Variants in DDX10 observed in about 807,000 individuals in gnomAD.
DDX10 encodes DEAD-box helicase 10, also known as probable ATP-dependent RNA helicase DDX10.
Under a neutral mutation model 104.3 loss-of-function variants are expected in DDX10, and 74 were observed. The observed-to-expected ratio is 0.71, with a 90% CI of 0.59 to 0.86. The LOEUF (loss-of-function observed/expected upper bound fraction) is 0.86. DDX10 is among the 40% of genes least tolerant of loss of function. DDX10 has a pLI of 0.00. For synonymous variants in DDX10, 351 were observed against 353.4 expected (o/e 0.99, Z 0.08); for missense variants, 952 against 1,040.0 (o/e 0.92, Z 1.16).
At chr11:108,818,261 A>G (rs1862281348) in intron 13 of DDX10, among the ~76,000 whole-genome samples, 1 of 152,194 alleles carries the variant, frequency 6.6e-6, no homozygotes, top group South Asian at 2.1e-4. Flanking sequence ...TATTCCTAAA[A>G]TGTGAGGCTC....
At chr11:108,800,442 CA>C (rs61200843) in intron 13 of DDX10, among the ~76,000 whole-genome samples, 15,670 of 94,082 alleles carry the variant, frequency 0.17, 1,099 homozygotes, top group African/African-American at 0.24. Context: ...GAGACTCTTT[CA>C]AAAAAAAAAA....
intron 16 of DDX10, among the ~76,000 whole-genome samples, chr11:108,892,556 G>C (rs1316616023): frequency 6.6e-6 from 1 of 151,984 alleles, no homozygotes; most frequent in Non-Finnish European, 1.5e-5. Context: ...CTGTAGTAAT[G>C]CCCGTGCAAT....
At chr11:108,938,593 C>T (rs1024429199) in intron 17 of DDX10, among the ~76,000 whole-genome samples, 1 of 152,220 alleles carries the variant, frequency 6.6e-6, no homozygotes, top group Non-Finnish European at 1.5e-5. Flanking sequence ...TTAAGACCCT[C>T]TTTCACTAAG....
At chr11:108,813,743 T>C (rs1415850742) in intron 13 of DDX10, among the ~76,000 whole-genome samples, 1 of 152,184 alleles carries the variant, frequency 6.6e-6, no homozygotes, top group African/African-American at 2.4e-5. Context: ...TGGAATTCTG[T>C]TGCAAGATGT....
At position 108,699,016 on chromosome 11, in the gene DDX10, C is replaced by G. The variant is rs1241260098; in HGVS notation, c.1223+5416C>G. Among the ~76,000 whole-genome samples, 6 of 152,322 alleles carry G rather than the reference C, an allele frequency of 3.9e-5. No homozygotes were observed. The South Asian group carries it at 1.2e-3, about 32-fold the overall frequency. ...TTAACCCTGCTTGACATTCCTTTCT[C>G]CAAAGTCCTTTATCACCTTCAAATA... On this transcript the variant is annotated intron_variant, in intron 9 of 17. Transcript: ENST00000322536.
chr11:108,681,126 A>AT (rs1047881352), intron 6 of DDX10, among the ~76,000 whole-genome samples: 1 of 152,080 alleles, frequency 6.6e-6, no homozygotes, highest in East Asian at 1.9e-4. Flanking sequence ...CATCAGACAG[A>AT]TTTTTTTAAT....
intron 16 of DDX10, among the ~76,000 whole-genome samples, chr11:108,900,185 C>T (rs556977325): frequency 1.3e-5 from 2 of 152,266 alleles, no homozygotes; most frequent in South Asian, 4.2e-4. Context: ...CTGGCTCTCC[C>T]TTTGCCTTCC....
chr11:108,717,784 C>G (rs2094293357), intron 11 of DDX10, among the ~76,000 whole-genome samples: 1 of 152,134 alleles, frequency 6.6e-6, no homozygotes, highest in African/African-American at 2.4e-5. Flanking sequence ...TGCGTTGTTA[C>G]CTAATCTTCC....
intron 15 of DDX10, among the ~76,000 whole-genome samples, chr11:108,848,269 T>G (rs1230142444): frequency 6.6e-6 from 1 of 152,154 alleles, no homozygotes; most frequent in African/African-American, 2.4e-5. Flanking sequence ...GAATCCATTT[T>G]TCCATAGCTA....
At chr11:108,883,628 C>T (rs1863256904) in intron 16 of DDX10, among the ~76,000 whole-genome samples, 1 of 152,142 alleles carries the variant, frequency 6.6e-6, no homozygotes, top group Admixed American at 6.5e-5. Context: ...TAGTAAAATG[C>T]CACAGAATTC....
In DDX10 at chr11:108,723,233, A is replaced by G. The variant is rs1333099595; in HGVS notation, c.1736A>G (p.Asn579Ser). Residue 579 changes from asparagine (N) to serine (S), a missense_variant, in exon 13 of 18, where the codon AAT (asparagine) becomes AGT (serine). Physicochemically the swap from Asn to Ser is conservative, Grantham distance 46. Around this residue, in one of 3 missense-constraint regions of DDX10, gnomAD observed 533 missense variants for 534.1 expected, o/e 1.00. Coordinates refer to ENST00000322536, the MANE Select transcript of DDX10 (RefSeq NM_004398.4). Reference protein sequence around the residue: ...TEHRQDNDTGNEEQEEEEDDE... With the variant: ...TEHRQDNDTGSEEQEEEEDDE... ...CACAGACAGGATAATGATACTGGTA[A>G]TGAAGAACAGGAAGAAGAAGAAGAC... 24 of 1,613,574 alleles carry G rather than the reference A, an allele frequency of 1.5e-5. No individual in the cohort carries two copies. The highest frequency in any genetic ancestry group is 1.9e-5 in the Non-Finnish European group (22 of 1,179,838).
intron 10 of DDX10, among the ~76,000 whole-genome samples, chr11:108,712,578 G>C (rs1465747284): frequency 1.3e-5 from 2 of 151,664 alleles, no homozygotes; most frequent in African/African-American, 4.8e-5. Flanking sequence ...ACGTAATTCT[G>C]ATTTCTCCCT....
chr11:108,732,830 C>T (rs965227202), intron 13 of DDX10, among the ~76,000 whole-genome samples: 2 of 152,178 alleles, frequency 1.3e-5, no homozygotes, highest in Non-Finnish European at 2.9e-5. Flanking sequence ...AGAGCATGAA[C>T]ATACAATTAA....
chr11:108,750,926 C>CTTTTTTTTTTTT (rs10582729), intron 13 of DDX10, among the ~76,000 whole-genome samples: 2 of 24,250 alleles, frequency 8.2e-5, no homozygotes, highest in African/African-American at 1.9e-4. Flanking sequence ...CACCTGGTTA[C>CTTTTTTTTTTTT]TTTTTTTTTT....
At chr11:108,928,347 C>G (rs1863934379) in intron 17 of DDX10, among the ~76,000 whole-genome samples, 1 of 152,150 alleles carries the variant, frequency 6.6e-6, no homozygotes, top group Non-Finnish European at 1.5e-5. Context: ...GCAGGGTGTT[C>G]TCAGAAGCAT....
chr11:108,838,245 C>A, intron 13 of DDX10: 1 of 424,592 alleles, frequency 2.4e-6, no homozygotes, highest in African/African-American at 2.0e-5. Context: ...CCTATTAATG[C>A]TTAAACTCTT....
chr11:108,726,663 A>G (rs4754352), intron 13 of DDX10, among the ~76,000 whole-genome samples: 18,643 of 151,734 alleles, frequency 0.12, 1,554 homozygotes, highest in East Asian at 0.27. Flanking sequence ...TCATCTGTGG[A>G]CCATATATTT....
At chr11:108,880,261 G>C (rs1311588185) in intron 16 of DDX10, among the ~76,000 whole-genome samples, 1 of 152,084 alleles carries the variant, frequency 6.6e-6, no homozygotes, top group African/African-American at 2.4e-5. Flanking sequence ...TACTGATCTG[G>C]TGTGTCTTCC....
chr11:108,776,076 A>G (rs1014845787), intron 13 of DDX10, among the ~76,000 whole-genome samples: 3 of 152,070 alleles, frequency 2.0e-5, no homozygotes, highest in South Asian at 2.1e-4. Flanking sequence ...GGTTATTTCC[A>G]TATCTGTTGT....
Sources: gnomAD v4.1 joint callset for allele counts (sites outside exome capture counted in the v4.1 genomes callset) on GRCh38, gnomAD v4.1.1 for gene constraint, gnomAD v4.1.1 regional missense constraint, MANE v1.5 for transcripts, NCBI Gene and HGNC (gene_info 2026-07-23, HGNC 2026-07-21) for gene names.